The following SNX29 variants were observed in gnomAD, a reference collection of about 807,000 sequenced individuals.
SNX29 encodes sorting nexin 29, also known as sorting nexin-29.
A neutral mutation model predicts 102.1 loss-of-function variants in SNX29; 78 were observed. The observed-to-expected ratio is 0.76, with a 90% CI of 0.64 to 0.92. The LOEUF (loss-of-function observed/expected upper bound fraction) is 0.92. Among genes scored for constraint, SNX29 ranks in the 40% least tolerant of loss-of-function variants. The probability of loss-of-function intolerance (pLI) is 0.00; values close to 1 mark genes in which losing one functional copy is unlikely to be tolerated. For synonymous variants in SNX29, 580 were observed against 414.5 expected, an observed-to-expected ratio of 1.40 and a Z score of -4.85; for missense variants, 1,280 against 1,061.7, an observed-to-expected ratio of 1.21 and a Z score of -2.86.
At chr16:12,552,555 CACAGG>C (rs1230669618) in intron 20 of SNX29, among the ~76,000 whole-genome samples, 4 of 152,212 alleles carry the variant, frequency 2.6e-5, no homozygotes, top group African/African-American at 4.8e-5. Flanking sequence ...AGCACTGGCA[CACAGG>C]CCAGCCAAGT....
intron 11 of SNX29, among the ~76,000 whole-genome samples, chr16:12,106,093 C>T (rs2141231615): frequency 6.6e-6 from 1 of 152,256 alleles, no homozygotes; most frequent in Middle Eastern, 3.4e-3. Context: ...GCAAGATTGT[C>T]ACAGCTTAAT....
chr16:12,382,023 A>G (rs1389660426), intron 16 of SNX29, among the ~76,000 whole-genome samples: 1 of 151,926 alleles, frequency 6.6e-6, no homozygotes, highest in Non-Finnish European at 1.5e-5. Context: ...GTTCATCATG[A>G]GGAATATGTC....
rs927899244 is a variant in SNX29 at position 12,571,858 on chromosome 16, G to A, written c.*3229G>A. Reference sequence around the variant, plus strand: ...GCAGTATGCTCCAATCACGTTGCTGGCAAGGCATTTTAGAGTTTGGAGCTG... The same window carrying A: ...GCAGTATGCTCCAATCACGTTGCTGACAAGGCATTTTAGAGTTTGGAGCTG... On this transcript the variant is annotated 3_prime_UTR_variant, in exon 21 of 21. Coordinates refer to ENST00000566228, the MANE Select transcript of SNX29 (RefSeq NM_032167.5). 4 of 1,060,756 alleles carry A rather than the reference G, an allele frequency of 3.8e-6. No homozygotes were observed. In the African/African-American group the frequency reaches 4.9e-5, roughly 13 times the overall value. 65.7% of individuals were successfully genotyped at this position (1,060,756 alleles called of 1,614,324 possible). A position where few individuals can be genotyped will look rare whatever the true frequency, so the allele number is the denominator to read the frequency against.
intron 18 of SNX29, among the ~76,000 whole-genome samples, chr16:12,470,118 G>A (rs760634183): frequency 3.3e-5 from 5 of 152,222 alleles, no homozygotes; most frequent in Non-Finnish European, 5.9e-5. Flanking sequence ...AGCTTTTTCT[G>A]TACGTCCAAG....
intron 18 of SNX29, among the ~76,000 whole-genome samples, chr16:12,441,150 C>T (rs1279545211): frequency 1.4e-5 from 2 of 139,732 alleles, no homozygotes; most frequent in Admixed American, 1.5e-4. Flanking sequence ...TGCAGTGGCG[C>T]TATCTCGGCT....
chr16:12,407,645 T>C (rs1188905042), intron 18 of SNX29, among the ~76,000 whole-genome samples: 1 of 152,172 alleles, frequency 6.6e-6, no homozygotes, highest in East Asian at 1.9e-4. Context: ...ATTCAATCCT[T>C]GTAGCCATCC....
chr16:12,247,020 C>CA (rs1422825350), intron 14 of SNX29, among the ~76,000 whole-genome samples: 3 of 152,132 alleles, frequency 2.0e-5, no homozygotes, highest in Non-Finnish European at 4.4e-5. Flanking sequence ...GTGAGGGGAG[C>CA]AGGGCCTTGT....
At chr16:12,197,369 A>G (rs766927632) in intron 13 of SNX29, among the ~76,000 whole-genome samples, 27 of 152,094 alleles carry the variant, frequency 1.8e-4, no homozygotes, top group Admixed American at 5.9e-4. Flanking sequence ...CAGGAGTTCA[A>G]GACCAGCCTG....
chr16:12,343,568 C>G (rs2081679416), intron 15 of SNX29, among the ~76,000 whole-genome samples: 1 of 152,160 alleles, frequency 6.6e-6, no homozygotes, highest in Non-Finnish European at 1.5e-5. Context: ...TGCCTTTGGC[C>G]TCAGCTTAGT....
At chr16:12,214,031 A>G (rs1443304890) in intron 14 of SNX29, among the ~76,000 whole-genome samples, 1 of 152,178 alleles carries the variant, frequency 6.6e-6, no homozygotes, top group Non-Finnish European at 1.5e-5. Context: ...ATGTTGGGTC[A>G]TAGCTGCAAG....
chr16:12,356,305 T>G, intron 16 of SNX29, 26 bp downstream of exon 16: 1 of 1,556,610 alleles, frequency 6.4e-7, no homozygotes, highest in Non-Finnish European at 8.7e-7. Flanking sequence ...ACCCTGTGTG[T>G]CTGTCAAGCC....
intron 18 of SNX29, among the ~76,000 whole-genome samples, chr16:12,426,144 G>T (rs1029712211): frequency 6.6e-6 from 1 of 151,976 alleles, no homozygotes; most frequent in Non-Finnish European, 1.5e-5. Flanking sequence ...AGGTAGCTTG[G>T]GCTAAGTTAT....
intron 14 of SNX29, among the ~76,000 whole-genome samples, chr16:12,230,851 T>G (rs559624588): frequency 1.8e-4 from 28 of 152,248 alleles, no homozygotes; most frequent in African/African-American, 6.7e-4. Context: ...TATGTATATA[T>G]GTATGTACTT....
rs141036740 is a variant in SNX29 at position 12,024,009 on chromosome 16, A to G, written c.123-3311A>G. 1.8e-3 allele frequency among the ~76,000 whole-genome samples: 267 copies of G among 152,326 alleles called. 3 individuals are homozygous for G. The highest frequency in any genetic ancestry group is 0.014 in the Middle Eastern group (4 of 294). On this transcript the variant is annotated intron_variant, in intron 3 of 20. Coordinates refer to ENST00000566228, the MANE Select transcript of SNX29 (RefSeq NM_032167.5). ...GCTAAGTGCACGGGAGCTCACAGTT[A>G]GCAAGAGCAGGCAGCCCTGGAAATC...
intron 14 of SNX29, among the ~76,000 whole-genome samples, chr16:12,243,005 G>C (rs1271332451): frequency 6.6e-6 from 1 of 152,174 alleles, no homozygotes; most frequent in Non-Finnish European, 1.5e-5. Context: ...CTCATCTTTG[G>C]AGAGGCCCCT....
chr16:12,207,552 T>A (rs1259063237), intron 14 of SNX29, among the ~76,000 whole-genome samples: 2 of 152,092 alleles, frequency 1.3e-5, no homozygotes, highest in Non-Finnish European at 2.9e-5. Flanking sequence ...AGTGTCTCGC[T>A]CTCACTGCTC....
At chr16:12,491,529 AT>A (rs747237650) in intron 19 of SNX29, among the ~76,000 whole-genome samples, 86 of 150,928 alleles carry the variant, frequency 5.7e-4, no homozygotes, top group African/African-American at 1.8e-3. Flanking sequence ...TATGTGACTT[AT>A]TTTTTTTTAT....
chr16:12,175,729 A>G (rs569881216), intron 13 of SNX29, among the ~76,000 whole-genome samples: 2 of 151,944 alleles, frequency 1.3e-5, no homozygotes, highest in African/African-American at 2.4e-5. Context: ...TGGGTGTGGT[A>G]TAATAGCTCA....
chr16:12,443,784 C>T (rs977842027), intron 18 of SNX29, among the ~76,000 whole-genome samples: 11 of 152,238 alleles, frequency 7.2e-5, no homozygotes, highest in East Asian at 3.8e-4. Flanking sequence ...CAAACTCTGC[C>T]GGATGGCTGT....
Sources: allele counts gnomAD v4.1 joint callset (sites outside exome capture counted in the v4.1 genomes callset), GRCh38; gene constraint gnomAD v4.1.1; transcripts MANE v1.5; gene names NCBI Gene and HGNC (gene_info 2026-07-23, HGNC 2026-07-21).